PLSCR2: variants seen among roughly 807,000 people sequenced by gnomAD.
PLSCR2 encodes phospholipid scramblase 2, also known as PL scramblase 2.
A neutral mutation model predicts 25.3 loss-of-function variants in PLSCR2; 18 were observed. The ratio of observed to expected loss-of-function variants is 0.71; its 90% CI spans 0.49 to 1.06. The LOEUF (loss-of-function observed/expected upper bound fraction) is 1.06. Ranked by LOEUF, PLSCR2 falls within the 50% of genes least tolerant of loss-of-function variation. The pLI, the probability that PLSCR2 is intolerant of heterozygous loss-of-function variation, is 0.00. For missense variants in PLSCR2, 243 were observed against 269.5 expected, an observed-to-expected ratio of 0.90 and a Z score of 0.69; for synonymous variants, 88 against 87.3, an observed-to-expected ratio of 1.01 and a Z score of -0.04.
intron 2 of PLSCR2, among the ~76,000 whole-genome samples, chr3:146,397,640 T>C (rs1359152588): frequency 6.6e-6 from 1 of 152,152 alleles, no homozygotes; most frequent in Non-Finnish European, 1.5e-5. Context: ...AAGTGTTTTA[T>C]ATAACTTTGA....
chr3:146,418,289 A>G (rs1194458179), intron 2 of PLSCR2, among the ~76,000 whole-genome samples: 2 of 152,166 alleles, frequency 1.3e-5, no homozygotes, highest in African/African-American at 2.4e-5. Context: ...CAAATCTCCA[A>G]AATCTCAACA....
At chr3:146,461,177 A>G (rs2041550690), upstream of PLSCR2, among the ~76,000 whole-genome samples, 1 of 152,222 alleles carries the variant, frequency 6.6e-6, no homozygotes, top group Non-Finnish European at 1.5e-5. Flanking sequence ...ATAGGAATGA[A>G]AAATAATTTC....
intron 6 of PLSCR2, among the ~76,000 whole-genome samples, chr3:146,446,972 T>C (rs970756916): frequency 2.0e-5 from 3 of 152,166 alleles, no homozygotes; most frequent in Admixed American, 6.5e-5. Context: ...TTAGCTACCA[T>C]TGATGTTAAA....
In PLSCR2 at chr3:146,427,582, A is replaced by G. The variant is rs114531766; in HGVS notation, c.100+30829T>C. Among the ~76,000 whole-genome samples, 493 of 152,306 alleles carry G rather than the reference A, an allele frequency of 3.2e-3. 4 individuals are homozygous for G. The highest frequency in any genetic ancestry group is 0.011 in the African/African-American group (470 of 41,544). Reference sequence around the variant, plus strand: ...AATACAAAGCTAATGGTCCAGCCACATTGCAGAGGACCGATGTGAACTCTG... The same window carrying G: ...AATACAAAGCTAATGGTCCAGCCACGTTGCAGAGGACCGATGTGAACTCTG... On this transcript the variant is annotated intron_variant and NMD_transcript_variant, in intron 2 of 3. Coordinates refer to the PLSCR2 transcript ENST00000463633.
chr3:146,455,541 A>G, intron 3 of PLSCR2, 82 bp from the exon 4 acceptor site: 2 of 805,114 alleles, frequency 2.5e-6, no homozygotes, highest in South Asian at 3.2e-5. Context: ...CTAGTTTTAG[A>G]TGATGCTCCA....
At chr3:146,480,777 C>T (rs139350539) in intron 1 of PLSCR2, among the ~76,000 whole-genome samples, 1 of 151,684 alleles carries the variant, frequency 6.6e-6, no homozygotes, top group African/African-American at 2.4e-5. Context: ...AGAGACACAA[C>T]AAAAAAAGAA....
intron 1 of PLSCR2, among the ~76,000 whole-genome samples, chr3:146,476,479 T>C (rs1456498613): frequency 6.6e-6 from 1 of 152,082 alleles, no homozygotes; most frequent in Non-Finnish European, 1.5e-5. Context: ...AGCTACTCAG[T>C]TGGCATCTGC....
At chr3:146,394,023 G>C (rs1002825924) in intron 3 of PLSCR2, among the ~76,000 whole-genome samples, 2 of 151,906 alleles carry the variant, frequency 1.3e-5, no homozygotes, top group Non-Finnish European at 2.9e-5. Context: ...TACAGGTCTA[G>C]AATTATTACA....
chr3:146,399,124 T>A (rs2038374776), intron 2 of PLSCR2, among the ~76,000 whole-genome samples: 1 of 151,900 alleles, frequency 6.6e-6, no homozygotes, highest in Admixed American at 6.6e-5. Flanking sequence ...TTTTTAGGCA[T>A]GTATGAGAAT....
chr3:146,410,188 C>T (rs1275568045), intron 2 of PLSCR2, among the ~76,000 whole-genome samples: 1 of 151,618 alleles, frequency 6.6e-6, no homozygotes, highest in African/African-American at 2.4e-5. Flanking sequence ...GGGTAGGGGG[C>T]AGGGGCGAGG....
intron 1 of PLSCR2, among the ~76,000 whole-genome samples, chr3:146,485,334 C>T (rs1414909309): frequency 6.6e-6 from 1 of 152,074 alleles, no homozygotes; most frequent in African/African-American, 2.4e-5. Context: ...GACTTAGACT[C>T]CCACATAATA....
downstream of PLSCR2, among the ~76,000 whole-genome samples, chr3:146,428,769 T>C (rs1183021185): frequency 2.6e-5 from 4 of 152,226 alleles, no homozygotes; most frequent in African/African-American, 9.6e-5. Context: ...TTCCTTAGTT[T>C]GGCATCTTGC....
At chr3:146,461,973 C>G, upstream of PLSCR2, 1 of 1,239,222 alleles carries the variant, frequency 8.1e-7, no homozygotes, top group Non-Finnish European at 1.1e-6. Flanking sequence ...AAAAAAATGA[C>G]AAAGAACAAG....
At chr3:146,449,093 T>C (rs1049458673) in intron 6 of PLSCR2, 113 bp downstream of exon 6, 1 of 820,852 alleles carries the variant, frequency 1.2e-6, no homozygotes, top group Admixed American at 2.6e-5. Context: ...TGAGAACATT[T>C]TATAAAACCT....
chr3:146,486,492 C>T (rs1158259402), intron 1 of PLSCR2, among the ~76,000 whole-genome samples: 1 of 151,218 alleles, frequency 6.6e-6, no homozygotes, highest in Non-Finnish European at 1.5e-5. Flanking sequence ...GGGGATATCA[C>T]CAATGACTCC....
chr3:146,418,775 G>A (rs1449274995), intron 2 of PLSCR2, among the ~76,000 whole-genome samples: 1 of 152,084 alleles, frequency 6.6e-6, no homozygotes, highest in African/African-American at 2.4e-5. Context: ...CAATTCTAGT[G>A]AATTTCTTTT....
intron 3 of PLSCR2, among the ~76,000 whole-genome samples, chr3:146,456,487 T>A (rs1332036941): frequency 6.6e-6 from 1 of 152,226 alleles, no homozygotes; most frequent in Non-Finnish European, 1.5e-5. Context: ...ATAAAAAAAT[T>A]GATTCCTCTG....
At chr3:146,400,617 G>GTT (rs71661372) in intron 2 of PLSCR2, among the ~76,000 whole-genome samples, 6 of 146,716 alleles carry the variant, frequency 4.1e-5, no homozygotes, top group African/African-American at 1.5e-4. Context: ...AATATGATAG[G>GTT]TTTTTTTTTT....
chr3:146,490,909 T>C (rs1161426343), intron 1 of PLSCR2, among the ~76,000 whole-genome samples: 1 of 152,130 alleles, frequency 6.6e-6, no homozygotes, highest in South Asian at 2.1e-4. Flanking sequence ...CTGGTTATTA[T>C]ATAGACCTGA....
Sources: gnomAD v4.1 joint callset for allele counts (sites outside exome capture counted in the v4.1 genomes callset) on GRCh38, gnomAD v4.1.1 for gene constraint, MANE v1.5 for transcripts, NCBI Gene and HGNC (gene_info 2026-07-23, HGNC 2026-07-21) for gene names.